Variants in STK33 observed in about 807,000 individuals in gnomAD.
STK33 encodes serine/threonine-protein kinase 33.
STK33 carries 52 observed loss-of-function variants against 58.0 expected under a neutral mutation model. The observed-to-expected ratio is 0.90, with a 90% CI of 0.72 to 1.13. The LOEUF is 1.13. Among genes scored for constraint, STK33 ranks in the 50% most tolerant of loss-of-function variants. STK33 has a pLI of 0.00. For synonymous variants in STK33, 215 were observed against 200.1 expected, an observed-to-expected ratio of 1.07 and a Z score of -0.63; for missense variants, 630 against 604.2, an observed-to-expected ratio of 1.04 and a Z score of -0.45.
rs2044462 is a variant in STK33, at chr11:8,430,512, T to A, written c.1146+4982A>T. On this transcript the variant is annotated intron_variant, in intron 14 of 15. Coordinates refer to ENST00000687296, the MANE Select transcript of STK33 (RefSeq NM_001352389.2). ...GCTGAAGAGCAAAAAAAAAGAAAAA[T>A]AATAATAATAAATCTCATAAAGTTT... Among the ~76,000 whole-genome samples, 502 of 151,728 alleles carry A rather than the reference T, an allele frequency of 3.3e-3. 4 individuals are homozygous for A. The highest frequency in any genetic ancestry group is 0.012 in the African/African-American group (481 of 41,320).
At chr11:8,376,918 A>C in the STK33 span, among the ~76,000 whole-genome samples, 1 of 152,260 alleles carries the variant, frequency 6.6e-6, no homozygotes, top group African/African-American at 2.4e-5. Context: ...TATAGTCTGA[A>C]ACCTGAAGTC....
chr11:8,473,792 T>TG (rs1949010258), intron 5 of STK33, among the ~76,000 whole-genome samples: 1 of 152,158 alleles, frequency 6.6e-6, no homozygotes, highest in East Asian at 1.9e-4. Context: ...TTTTGAGGAA[T>TG]GGGAACCTGA....
chr11:8,570,815 T>C (rs559388291), intron 1 of STK33, among the ~76,000 whole-genome samples: 2 of 152,280 alleles, frequency 1.3e-5, no homozygotes, highest in African/African-American at 4.8e-5. Flanking sequence ...TGTGCACATA[T>C]ATAAAAATCA....
rs1949778667 is a variant in STK33, at chr11:8,481,305, T to C, written c.-465-691A>G. Among the ~76,000 whole-genome samples, 5 of 152,216 alleles carry C rather than the reference T, an allele frequency of 3.3e-5. No homozygotes were observed. The South Asian group carries it at 1.0e-3, about 32-fold the overall frequency. ...TTCCAAAATCCCTGTCTTCAAGTTT[T>C]AGCAGAAATAATATTAATTTAATAA... On this transcript the variant is annotated intron_variant, in intron 1 of 15. Transcript: ENST00000687296.
chr11:8,465,741 C>T (rs1948103375), intron 6 of STK33: 1 of 152,534 alleles, frequency 6.6e-6, no homozygotes, highest in Admixed American at 6.5e-5. Flanking sequence ...TCTCAAAATG[C>T]CACTCTCTCT....
intron 1 of STK33, among the ~76,000 whole-genome samples, chr11:8,512,033 G>A (rs534707401): frequency 8.5e-5 from 13 of 152,168 alleles, no homozygotes; most frequent in East Asian, 7.7e-4. Flanking sequence ...TTCCTTCTGC[G>A]CCAACTATTA....
intron 1 of STK33, among the ~76,000 whole-genome samples, chr11:8,518,478 A>G (rs1953036952): frequency 6.6e-6 from 1 of 152,248 alleles, no homozygotes; most frequent in South Asian, 2.1e-4. Flanking sequence ...ACAGGATCAA[A>G]TTCACACATA....
At chr11:8,434,246 CAAAAAAAAAAA>C (rs11330436) in intron 14 of STK33, 2 of 93,216 alleles carry the variant, frequency 2.1e-5, no homozygotes, top group Admixed American at 1.3e-4. Flanking sequence ...GACTCCGTCT[CAAAAAAAAAAA>C]AAAAAAAAAG....
chr11:8,352,627 C>G, the STK33 span, among the ~76,000 whole-genome samples: 1 of 152,192 alleles, frequency 6.6e-6, no homozygotes, highest in African/African-American at 2.4e-5. Flanking sequence ...CATCAAGTCT[C>G]TGATTGTTTG....
chr11:8,389,507 C>T (rs1040065609), downstream of STK33, among the ~76,000 whole-genome samples: 7 of 152,198 alleles, frequency 4.6e-5, no homozygotes, highest in Non-Finnish European at 1.0e-4. Flanking sequence ...TTCCCAGAGG[C>T]CACAGCTCCT....
At position 8,461,832 on chromosome 11, in the gene STK33, A is replaced by G. The variant is rs1947561064; in HGVS notation, c.531T>C (p.His177=). 6.3e-7 allele frequency: 1 copy of G among 1,595,442 alleles called. No individual in the cohort carries two copies. Among genetic ancestry groups the G allele is most frequent in the Non-Finnish European group, 8.5e-7 (1 of 1,172,912 alleles). ...LKSVKHEHII[H]LEQVFETPKK... ...TTGGCGTTTCAAATACTTGTTCCAG[A>G]TGTATGATGTGTTCATGTTTTACAC... Residue 177 remains histidine (H), a synonymous_variant, in exon 8 of 16, where the codon CAT becomes CAC. Coordinates refer to ENST00000687296, the MANE Select transcript of STK33 (RefSeq NM_001352389.2).
chr11:8,407,519 T>TA (rs1393111532), intron 15 of STK33, among the ~76,000 whole-genome samples: 1 of 152,108 alleles, frequency 6.6e-6, no homozygotes, highest in Non-Finnish European at 1.5e-5. Context: ...TAAAAATAAA[T>TA]ACAGAACGAT....
At chr11:8,457,241 G>A (rs533731384) in intron 9 of STK33, 100 bp downstream of exon 9, 3 of 1,042,920 alleles carry the variant, frequency 2.9e-6, no homozygotes, top group East Asian at 5.3e-5. Context: ...TATATTAGCA[G>A]GTGTTATTTA....
chr11:8,522,298 A>G lies in STK33; in HGVS notation c.-465-41684T>C, dbSNP rs150776110. On this transcript the variant is annotated intron_variant, in intron 1 of 15. Coordinates refer to ENST00000687296, the MANE Select transcript of STK33 (RefSeq NM_001352389.2). Reference sequence around the variant, plus strand: ...CACCATGGAATACTATGCAGCCATAAAAAGGATGAGTTCATGTCCTTTGCA... The same window carrying G: ...CACCATGGAATACTATGCAGCCATAGAAAGGATGAGTTCATGTCCTTTGCA... 4.3e-4 allele frequency among the ~76,000 whole-genome samples: 66 copies of G among 152,342 alleles called. No homozygotes were observed. In the East Asian group the frequency reaches 0.011, roughly 26 times the overall value.
chr11:8,346,075 G>T, the STK33 span, among the ~76,000 whole-genome samples: 2 of 152,188 alleles, frequency 1.3e-5, no homozygotes, highest in Admixed American at 1.3e-4. Context: ...CATGAGAAGA[G>T]TTTTATCAAT....
At chr11:8,347,161 T>C in the STK33 span, among the ~76,000 whole-genome samples, 1 of 152,200 alleles carries the variant, frequency 6.6e-6, no homozygotes, top group Non-Finnish European at 1.5e-5. Flanking sequence ...TTTCGATATA[T>C]CTTCATTCAA....
chr11:8,488,378 C>T (rs1950334816), intron 1 of STK33, among the ~76,000 whole-genome samples: 1 of 151,918 alleles, frequency 6.6e-6, no homozygotes, highest in African/African-American at 2.4e-5. Flanking sequence ...GGAAGCTACA[C>T]ACACACATAG....
intron 1 of STK33, among the ~76,000 whole-genome samples, chr11:8,567,987 A>G (rs1187012913): frequency 1.3e-5 from 2 of 152,314 alleles, no homozygotes; most frequent in Non-Finnish European, 2.9e-5. Flanking sequence ...AGTTAATAAT[A>G]TAGTCTCCAC....
At chr11:8,528,218 A>G (rs1279727342) in intron 1 of STK33, among the ~76,000 whole-genome samples, 1 of 145,354 alleles carries the variant, frequency 6.9e-6, no homozygotes, top group East Asian at 2.1e-4. Flanking sequence ...GTAATTGTTT[A>G]AAGGCATTTT....
Sources: allele counts gnomAD v4.1 joint callset (sites outside exome capture counted in the v4.1 genomes callset), GRCh38; gene constraint gnomAD v4.1.1; transcripts MANE v1.5; gene names NCBI Gene and HGNC (gene_info 2026-07-23, HGNC 2026-07-21).